The following FARP2 variants were observed in gnomAD, a reference collection of about 807,000 sequenced individuals.
The protein encoded by FARP2 is FERM, ARHGEF and pleckstrin domain-containing protein 2.
FARP2 carries 111 observed loss-of-function variants against 130.5 expected under a neutral mutation model. The ratio of observed to expected loss-of-function variants is 0.85; its 90% CI spans 0.73 to 1.00. FARP2 has a LOEUF of 1.00. Among genes scored for constraint, FARP2 ranks in the 50% least tolerant of loss-of-function variants. The probability of loss-of-function intolerance (pLI) is 0.00; values close to 1 mark genes in which losing one functional copy is unlikely to be tolerated. For synonymous variants in FARP2, 504 were observed against 516.9 expected, an observed-to-expected ratio of 0.98 and a Z score of 0.34; for missense variants, 1,385 against 1,346.3, an observed-to-expected ratio of 1.03 and a Z score of -0.45.
In FARP2 at chr2:241,470,145, C is replaced by G. The variant is rs182414286; in HGVS notation, c.2131+1768C>G. ...CCTTTGGTGTGCAAATGTTACCAGCCTCTTGGTCTTCCTGAGAACTTGAAT... is the reference window on the plus strand; with the variant it reads ...CCTTTGGTGTGCAAATGTTACCAGCGTCTTGGTCTTCCTGAGAACTTGAAT... On this transcript the variant is annotated intron_variant, in intron 18 of 26. Transcript: ENST00000264042. 7.2e-5 allele frequency among the ~76,000 whole-genome samples: 11 copies of G among 152,354 alleles called. No individual in the cohort carries two copies. In the East Asian group the frequency reaches 1.7e-3, roughly 24 times the overall value.
At chr2:241,362,189 G>T (rs1226753594) in intron 1 of FARP2, among the ~76,000 whole-genome samples, 1 of 152,134 alleles carries the variant, frequency 6.6e-6, no homozygotes, top group Non-Finnish European at 1.5e-5. Context: ...GAGCCATCAC[G>T]CCCGGTCCCC....
rs1325656006 is a variant in FARP2 at position 241,464,083 on chromosome 2, G to GTCCCCTCAGAACAGGA, written c.1893+109_1893+124dup. 1.7e-4 allele frequency: 160 copies of GTCCCCTCAGAACAGGA among 929,972 alleles called. 2 individuals are homozygous for GTCCCCTCAGAACAGGA. In the East Asian group the frequency reaches 4.2e-3, roughly 24 times the overall value. 57.6% of individuals were successfully genotyped at this position (929,972 alleles called of 1,614,324 possible). A position where few individuals can be genotyped will look rare whatever the true frequency, so the allele number is the denominator to read the frequency against. On this transcript the variant is annotated intron_variant, in intron 17 of 26. Coordinates refer to ENST00000264042, the MANE Select transcript of FARP2 (RefSeq NM_014808.4). ...CAGAACAGCGTCCCCTCAGAAAAGG[G>GTCCCCTCAGAACAGGA]TCCCCTCAGAACAGGATCCCCCTCA... is the stretch of plus-strand genomic sequence containing the variant.
chr2:241,398,980 A>G (rs939248624), intron 2 of FARP2, among the ~76,000 whole-genome samples: 1 of 152,186 alleles, frequency 6.6e-6, no homozygotes, highest in Admixed American at 6.5e-5. Flanking sequence ...CCTTTAGTAG[A>G]TACTGTCAGT....
At chr2:241,442,362 C>T (rs939809307) in intron 13 of FARP2, 12 of 456,584 alleles carry the variant, frequency 2.6e-5, no homozygotes, top group Admixed American at 2.3e-4. Context: ...CCGAGGACTC[C>T]AGCAGCACAG....
chr2:241,413,459 A>G, intron 7 of FARP2, 38 bp downstream of exon 7: 1 of 1,313,422 alleles, frequency 7.6e-7, no homozygotes, highest in South Asian at 1.2e-5. Context: ...CATTGTCACC[A>G]CAGTAATGAC....
intron 9 of FARP2, among the ~76,000 whole-genome samples, chr2:241,432,748 A>G (rs1218564531): frequency 6.6e-6 from 1 of 152,238 alleles, no homozygotes; most frequent in Admixed American, 6.5e-5. Context: ...CAGTTATTCA[A>G]AGATGTTCCA....
intron 18 of FARP2, among the ~76,000 whole-genome samples, chr2:241,473,650 C>G (rs2064374694): frequency 6.6e-6 from 1 of 152,150 alleles, no homozygotes; most frequent in Non-Finnish European, 1.5e-5. Flanking sequence ...CACTGGTGCT[C>G]TTTGAGTGGA....
rs548775805 is a variant in FARP2 at position 241,370,526 on chromosome 2, T to C, written c.-24-2558T>C. Among the ~76,000 whole-genome samples, 6 of 152,274 alleles carry C rather than the reference T, an allele frequency of 3.9e-5. No individual in the cohort carries two copies. The South Asian group carries it at 1.2e-3, about 32-fold the overall frequency. On this transcript the variant is annotated intron_variant, in intron 1 of 26. Coordinates refer to ENST00000264042, the MANE Select transcript of FARP2 (RefSeq NM_014808.4). ...AGGGCATCATGTTGTACATGATAAG[T>C]ATATACAATTTCTGTCAATTAAAAA...
intron 9 of FARP2, among the ~76,000 whole-genome samples, chr2:241,433,067 G>A (rs2063132569): frequency 6.6e-6 from 1 of 151,980 alleles, no homozygotes; most frequent in South Asian, 2.1e-4. Context: ...GGATGAAGGG[G>A]AAGTAGAAGG....
rs118122202 is a variant in FARP2, at chr2:241,360,186, G to C, written c.-25+3798G>C. ...CCTGTATCCCTAAGCATTTAGACTT[G>C]CCTGAAACAGAATAGAGCTCAATAA... On this transcript the variant is annotated intron_variant, in intron 1 of 26. Coordinates refer to ENST00000264042, the MANE Select transcript of FARP2 (RefSeq NM_014808.4). Among the ~76,000 whole-genome samples, 74 of 152,180 alleles carry C rather than the reference G, an allele frequency of 4.9e-4. 1 individual carries two copies. In the East Asian group the frequency reaches 0.012, roughly 25 times the overall value.
intron 12 of FARP2, among the ~76,000 whole-genome samples, chr2:241,440,745 G>A (rs1213115314): frequency 1.3e-5 from 2 of 152,106 alleles, no homozygotes; most frequent in Admixed American, 1.3e-4. Context: ...TTGGCTGAGT[G>A]GAATGGTTCA....
intron 2 of FARP2, among the ~76,000 whole-genome samples, chr2:241,381,305 G>A (rs780055945): frequency 1.3e-5 from 2 of 151,934 alleles, no homozygotes; most frequent in Admixed American, 6.6e-5. Flanking sequence ...GCTGTACCCC[G>A]GCCTGCTGCT....
At chr2:241,443,395 C>T (rs2063438847) in intron 13 of FARP2, 1 of 152,388 alleles carries the variant, frequency 6.6e-6, no homozygotes, top group Non-Finnish European at 1.5e-5. Flanking sequence ...TTCTTTTCTT[C>T]AGCTTAATTG....
chr2:241,437,594 T>C (rs1288827997), intron 12 of FARP2, among the ~76,000 whole-genome samples: 1 of 151,956 alleles, frequency 6.6e-6, no homozygotes, highest in Non-Finnish European at 1.5e-5. Context: ...GCCTCCCAAG[T>C]AGCTGTGATT....
At position 241,388,690 on chromosome 2, in the gene FARP2, T is replaced by C. The variant is rs1359205721; in HGVS notation, c.184-15138T>C. On this transcript the variant is annotated intron_variant, in intron 2 of 26. Coordinates refer to ENST00000264042, the MANE Select transcript of FARP2 (RefSeq NM_014808.4). ...CACTACAAAAAAAATTAGCCAGGTG[T>C]GGTGTCACTTGCCTAGAGTCCTAGT... Among the ~76,000 whole-genome samples, 6 of 152,186 alleles carry C rather than the reference T, an allele frequency of 3.9e-5. No homozygotes were observed. In the East Asian group the frequency reaches 1.2e-3, roughly 29 times the overall value.
At chr2:241,401,848 T>C (rs886636205) in intron 2 of FARP2, among the ~76,000 whole-genome samples, 1 of 151,784 alleles carries the variant, frequency 6.6e-6, no homozygotes, top group South Asian at 2.1e-4. Flanking sequence ...AATGGCGCAA[T>C]CTTGGCTCAC....
At chr2:241,471,042 G>A (rs1416520079) in intron 18 of FARP2, among the ~76,000 whole-genome samples, 1 of 151,726 alleles carries the variant, frequency 6.6e-6, no homozygotes, top group Non-Finnish European at 1.5e-5. Context: ...TGTCATGGGG[G>A]AACATGTTCT....
chr2:241,407,059 C>G (rs559175562), intron 4 of FARP2, among the ~76,000 whole-genome samples: 18 of 152,274 alleles, frequency 1.2e-4, no homozygotes, highest in Middle Eastern at 3.4e-3. Context: ...CCGCCCCCCT[C>G]AGCCTCCCAA....
intron 13 of FARP2, chr2:241,444,044 A>C (rs1049068777): frequency 1.3e-5 from 2 of 152,282 alleles, no homozygotes; most frequent in African/African-American, 4.8e-5. Flanking sequence ...CACATCAGGC[A>C]GTTTCCCATT....
Sources: gnomAD v4.1 joint callset for allele counts (sites outside exome capture counted in the v4.1 genomes callset) on GRCh38, gnomAD v4.1.1 for gene constraint, MANE v1.5 for transcripts, NCBI Gene and HGNC (gene_info 2026-07-23, HGNC 2026-07-21) for gene names.